The following TNN variants were observed in gnomAD, a reference collection of about 807,000 sequenced individuals.
The protein encoded by TNN is tenascin N.
In TNN, 122 loss-of-function variants were observed where a neutral mutation model predicts 134.4. That is an observed-to-expected ratio of 0.91 (90% CI 0.78 to 1.06). The LOEUF (loss-of-function observed/expected upper bound fraction) is 1.06. Among genes scored for constraint, TNN ranks in the 50% least tolerant of loss-of-function variants. The probability of loss-of-function intolerance (pLI) is 0.00; values close to 1 mark genes in which losing one functional copy is unlikely to be tolerated. For missense variants in TNN, 1,739 were observed against 1,699.4 expected, an observed-to-expected ratio of 1.02 and a Z score of -0.41; for synonymous variants, 710 against 670.3, an observed-to-expected ratio of 1.06 and a Z score of -0.91.
chr1:175,119,877 A>T (rs1675303528), intron 11 of TNN, among the ~76,000 whole-genome samples: 1 of 152,076 alleles, frequency 6.6e-6, no homozygotes, highest in African/African-American at 2.4e-5. Flanking sequence ...TGACCTCGTG[A>T]TCCGCCTACC....
intron 18 of TNN, 119 bp downstream of exon 18, chr1:175,144,669 T>C (rs1676022112): frequency 2.7e-6 from 3 of 1,111,930 alleles, no homozygotes; most frequent in Non-Finnish European, 3.8e-6. Flanking sequence ...GTCAAAGCAG[T>C]AGAGCTTCTC....
Position 175,080,370 on chromosome 1 carries a change from T to C in TNN, c.992T>C (p.Leu331Pro). 6.2e-7 allele frequency: 1 copy of C among 1,614,092 alleles called. No individual in the cohort carries two copies. The highest frequency in any genetic ancestry group is 8.5e-7 in the Non-Finnish European group (1 of 1,179,976). The part of the protein sequence containing the change: ...LLPGTKYIVT[L>P]RNVKNEVSSS... ...CCTGGAACCAAGTACATAGTCACCC[T>C]GCGTAACGTCAAGAATGAAGTTTCT... Residue 331 changes from leucine (L) to proline (P), a missense_variant, in exon 4 of 19, where the codon CTG becomes CCG. Coordinates refer to ENST00000239462, the MANE Select transcript of TNN (RefSeq NM_022093.2).
intron 17 of TNN, among the ~76,000 whole-genome samples, chr1:175,138,532 A>G (rs1030533449): frequency 6.6e-6 from 1 of 152,188 alleles, no homozygotes; most frequent in Non-Finnish European, 1.5e-5. Context: ...AGACACGGGG[A>G]AACTGTTCCA....
chr1:175,099,153 C>G (rs1457579680), intron 9 of TNN, among the ~76,000 whole-genome samples: 2 of 152,192 alleles, frequency 1.3e-5, no homozygotes, highest in Non-Finnish European at 2.9e-5. Context: ...ATCTTCTCCT[C>G]TCTCTCGACT....
In TNN at chr1:175,094,080, A is replaced by C. The variant is rs775307784; in HGVS notation, c.1415A>C (p.Lys472Thr). ...GACCCAGTGCAGGCTGTCATAGACAAGTATGTAGTGCGCTACACTTCTGCT... is the reference window on the plus strand; with the variant it reads ...GACCCAGTGCAGGCTGTCATAGACACGTATGTAGTGCGCTACACTTCTGCT... ...SWDPVQAVID[K>T]YVVRYTSADG... The change falls in exon 7 of 19, where the codon AAG becomes ACG. Residue 472 changes from lysine to threonine, a missense_variant. Coordinates refer to ENST00000239462, the MANE Select transcript of TNN (RefSeq NM_022093.2). 3 of 1,614,090 alleles carry C rather than the reference A, an allele frequency of 1.9e-6. No individual in the cohort carries two copies. In the African/African-American group the frequency reaches 4.0e-5, roughly 22 times the overall value.
chr1:175,138,759 A>T (rs1431074712), intron 17 of TNN, among the ~76,000 whole-genome samples: 1 of 152,194 alleles, frequency 6.6e-6, no homozygotes. Flanking sequence ...AACGACAGGG[A>T]TACATTCTGA....
chr1:175,145,826 G>A (rs919314839), intron 18 of TNN, among the ~76,000 whole-genome samples: 1 of 151,904 alleles, frequency 6.6e-6, no homozygotes, highest in Admixed American at 6.6e-5. Context: ...TGACAGCTGC[G>A]GGGCACTTCC....
intron 11 of TNN, among the ~76,000 whole-genome samples, chr1:175,119,880 C>T (rs904367191): frequency 3.3e-5 from 5 of 152,072 alleles, no homozygotes; most frequent in South Asian, 4.1e-4. Flanking sequence ...CCTCGTGATC[C>T]GCCTACCATG....
intron 2 of TNN, among the ~76,000 whole-genome samples, 168 bp from the exon 3 acceptor site, chr1:175,079,165 T>G (rs542097409): frequency 1.3e-5 from 2 of 152,238 alleles, no homozygotes; most frequent in Admixed American, 1.3e-4. Context: ...TTTTCTCCCT[T>G]GTGGAGCTCC....
intron 14 of TNN, 92 bp downstream of exon 14, chr1:175,128,256 C>T: frequency 8.2e-7 from 1 of 1,215,886 alleles, no homozygotes; most frequent in South Asian, 1.5e-5. Flanking sequence ...CAAGTGGATG[C>T]AGAACTATTG....
At chr1:175,108,996 G>A (rs1674943832) in intron 9 of TNN, among the ~76,000 whole-genome samples, 1 of 151,734 alleles carries the variant, frequency 6.6e-6, no homozygotes, top group South Asian at 2.1e-4. Flanking sequence ...AGGGCTCTGA[G>A]GACTGCCAGC....
chr1:175,098,319 A>G lies in TNN; in HGVS notation c.1856-13A>G, dbSNP rs773513606. 6.2e-7 allele frequency: 1 copy of G among 1,613,948 alleles called. No homozygotes were observed. The highest frequency in any genetic ancestry group is 1.7e-5 in the Admixed American group (1 of 59,998). On this transcript the variant is annotated splice_polypyrimidine_tract_variant and intron_variant, in intron 8 of 18. Coordinates refer to ENST00000239462, the MANE Select transcript of TNN (RefSeq NM_022093.2). ...CTTCAGAGCTTAAACCTTTCCAAAC[A>G]TTTTCCTTCCAGATATTGACAGCCC...
chr1:175,100,976 C>T (rs1023801272), intron 9 of TNN, among the ~76,000 whole-genome samples: 1 of 152,186 alleles, frequency 6.6e-6, no homozygotes, highest in African/African-American at 2.4e-5. Flanking sequence ...GGATATCCAT[C>T]AGCTCAACAT....
intron 6 of TNN, among the ~76,000 whole-genome samples, chr1:175,087,704 G>C (rs1674350224): frequency 6.6e-6 from 1 of 152,116 alleles, no homozygotes; most frequent in Non-Finnish European, 1.5e-5. Flanking sequence ...ATTCATATCT[G>C]ACATTGTCTC....
rs139931553 is a variant in TNN, at chr1:175,119,465, C to A, written c.2650+641C>A. Among the ~76,000 whole-genome samples the A allele has an allele frequency of 7.0e-3, 1,068 of 152,184 alleles. 3 individuals carry two copies. Among genetic ancestry groups the A allele is most frequent in the Middle Eastern group, 0.017 (5 of 294 alleles). ...TATGACCTGTATCTTGTGCTGACCT[C>A]CTATCTTATCCTGTGACTTAGAATG... is the stretch of plus-strand genomic sequence containing the variant. On this transcript the variant is annotated intron_variant, in intron 11 of 18. Coordinates refer to ENST00000239462, the MANE Select transcript of TNN (RefSeq NM_022093.2).
At chr1:175,138,682 G>A (rs533884141) in intron 17 of TNN, among the ~76,000 whole-genome samples, 1 of 152,252 alleles carries the variant, frequency 6.6e-6, no homozygotes, top group East Asian at 1.9e-4. Context: ...AGTAGTCCTG[G>A]GTCTCCACGG....
At chr1:175,100,885 CATA>C (rs1674704992) in intron 9 of TNN, among the ~76,000 whole-genome samples, 1 of 152,044 alleles carries the variant, frequency 6.6e-6, no homozygotes, top group Non-Finnish European at 1.5e-5. Flanking sequence ...AAAATTGATA[CATA>C]ATAATATACA....
chr1:175,147,050 A>C lies in TNN; in HGVS notation c.3879A>C (p.Arg1293Ser). Residue 1293 changes from arginine (R) to serine (S), a missense_variant, in exon 19 of 19, where the codon AGA becomes AGC. By Grantham distance (110) the Arg-to-Ser change is moderately radical (BLOSUM62 -1). Coordinates refer to ENST00000239462, the MANE Select transcript of TNN (RefSeq NM_022093.2). ...TGGGCAGAAAGAAGCGGACGCTGAG[A>C]GGAAGGCTGCGAACGTTCTGATGGC... Reference protein sequence around the residue: ...PVLGRKKRTLRGRLRTF With the variant: ...PVLGRKKRTLSGRLRTF The C allele has an allele frequency of 1.3e-6, 2 of 1,587,972 alleles. No individual in the cohort carries two copies. The highest frequency in any genetic ancestry group is 1.4e-5 in the African/African-American group (1 of 73,534).
At chr1:175,145,604 A>T (rs1053763916) in intron 18 of TNN, among the ~76,000 whole-genome samples, 2 of 143,156 alleles carry the variant, frequency 1.4e-5, no homozygotes, top group African/African-American at 5.1e-5. Flanking sequence ...ATCACCAGGA[A>T]AACAGTCTTT....
Sources: allele counts gnomAD v4.1 joint callset (sites outside exome capture counted in the v4.1 genomes callset), GRCh38; gene constraint gnomAD v4.1.1; transcripts MANE v1.5; gene names NCBI Gene and HGNC (gene_info 2026-07-23, HGNC 2026-07-21).